Variants in MGAT4C observed in about 807,000 individuals in gnomAD.
The protein encoded by MGAT4C is MGAT4 family member C.
A neutral mutation model predicts 40.1 loss-of-function variants in MGAT4C; 19 were observed. The ratio of observed to expected loss-of-function variants is 0.47; its 90% confidence interval spans 0.33 to 0.70. The LOEUF (loss-of-function observed/expected upper bound fraction) is 0.70. Among genes scored for constraint, MGAT4C ranks in the 30% least tolerant of loss-of-function variants. The pLI, the probability that MGAT4C is intolerant of heterozygous loss-of-function variation, is 0.02. For missense variants in MGAT4C, 491 were observed against 563.2 expected, an observed-to-expected ratio of 0.87 and a Z score of 1.30; for synonymous variants, 181 against 187.1, an observed-to-expected ratio of 0.97 and a Z score of 0.27.
chr12:86,512,076 C>CA (rs1257207692), intron 2 of MGAT4C, among the ~76,000 whole-genome samples: 2 of 151,540 alleles, frequency 1.3e-5, no homozygotes, highest in Admixed American at 6.6e-5. Flanking sequence ...AAGGACAAAA[C>CA]AAAAAAAGTA....
At chr12:86,700,166 C>CAGAT (rs1208271183) in intron 2 of MGAT4C, among the ~76,000 whole-genome samples, 55 of 94,434 alleles carry the variant, frequency 5.8e-4, no homozygotes, top group African/African-American at 1.9e-3. Flanking sequence ...GACAGACAGA[C>CAGAT]AGACAGACAG....
chr12:86,127,594 T>C (rs1196454711), intron 1 of MGAT4C, among the ~76,000 whole-genome samples: 1 of 152,232 alleles, frequency 6.6e-6, no homozygotes, highest in East Asian at 1.9e-4. Context: ...GGCTCTTTTA[T>C]AATGACACTT....
intron 4 of MGAT4C, among the ~76,000 whole-genome samples, chr12:86,324,783 T>C (rs1954486871): frequency 6.6e-6 from 1 of 152,086 alleles, no homozygotes; most frequent in Admixed American, 6.6e-5. Context: ...GCCCCAGATT[T>C]ATGTTGGAAT....
intron 2 of MGAT4C, among the ~76,000 whole-genome samples, chr12:86,476,690 A>G (rs765894857): frequency 1.3e-5 from 2 of 152,180 alleles, no homozygotes; most frequent in African/African-American, 2.4e-5. Context: ...GTGCCCATCA[A>G]TGGTGGATTG....
chr12:85,966,422 T>C lies in MGAT4C; in HGVS notation c.*12867A>G, dbSNP rs1458063262. ...TTTAATCAAAGTTGTCTCTTTATCA[T>C]TTGCCAGTGAAAATATAAAACCTGG... On this transcript the variant is annotated 3_prime_UTR_variant, in exon 5 of 5. Coordinates refer to ENST00000611864, the MANE Select transcript of MGAT4C (RefSeq NM_001351288.2). The C allele has an allele frequency of 6.6e-6, 1 of 152,212 alleles. No individual in the cohort carries two copies. Among genetic ancestry groups the C allele is most frequent in the Non-Finnish European group, 1.5e-5 (1 of 68,040 alleles). The allele number at this position is 152,212 out of a possible 1,614,324, so 9.4% of individuals were successfully genotyped here.
At chr12:86,362,103 T>G (rs911458081) in intron 3 of MGAT4C, among the ~76,000 whole-genome samples, 1 of 152,184 alleles carries the variant, frequency 6.6e-6, no homozygotes, top group Non-Finnish European at 1.5e-5. Flanking sequence ...CCATCAATGA[T>G]AGACTGGATT....
intron 1 of MGAT4C, among the ~76,000 whole-genome samples, chr12:86,141,446 G>C (rs1314833056): frequency 6.6e-6 from 1 of 152,112 alleles, no homozygotes; most frequent in Non-Finnish European, 1.5e-5. Flanking sequence ...GTGAAGAACT[G>C]CTTGATTTTA....
intron 4 of MGAT4C, among the ~76,000 whole-genome samples, chr12:86,274,427 T>C (rs1266589077): frequency 6.6e-6 from 1 of 152,104 alleles, no homozygotes; most frequent in African/African-American, 2.4e-5. Context: ...TGTTTCCCAT[T>C]GATAAAACTG....
chr12:86,120,173 A>C (rs1288530516), intron 1 of MGAT4C, among the ~76,000 whole-genome samples: 1 of 150,866 alleles, frequency 6.6e-6, no homozygotes, highest in African/African-American at 2.4e-5. Flanking sequence ...AGAAAAAAAT[A>C]TATATATAAA....
chr12:86,408,479 C>CTGTATATATATATATATA (rs1267344319), intron 3 of MGAT4C, among the ~76,000 whole-genome samples: 11 of 63,344 alleles, frequency 1.7e-4, no homozygotes, highest in African/African-American at 8.6e-4. Context: ...CTCTCTCTCT[C>CTGTATATATATATATATA]TATATATATA....
chr12:86,253,053 G>A (rs146413964), intron 1 of MGAT4C, among the ~76,000 whole-genome samples: 1 of 151,858 alleles, frequency 6.6e-6, no homozygotes, highest in African/African-American at 2.4e-5. Flanking sequence ...AGAACTTAGA[G>A]ACACACAGAA....
At chr12:86,737,685 C>A (rs1951008937) in intron 1 of MGAT4C, among the ~76,000 whole-genome samples, 2 of 151,316 alleles carry the variant, frequency 1.3e-5, no homozygotes, top group Non-Finnish European at 3.0e-5. Context: ...ACCTTCACAT[C>A]CACCCCTAAA....
intron 1 of MGAT4C, among the ~76,000 whole-genome samples, chr12:86,222,551 C>T (rs1032655446): frequency 2.0e-5 from 3 of 152,096 alleles, no homozygotes; most frequent in Admixed American, 2.0e-4. Context: ...GTTTGAATAA[C>T]ATGTTTGAGT....
intron 1 of MGAT4C, among the ~76,000 whole-genome samples, chr12:86,783,647 G>A (rs971837472): frequency 6.6e-6 from 1 of 152,068 alleles, no homozygotes; most frequent in Non-Finnish European, 1.5e-5. Flanking sequence ...TTTCTACCTT[G>A]ATCCTGAAGT....
rs1052894521 is a variant in MGAT4C at position 85,960,611 on chromosome 12, C to T, written c.*18678G>A. ...TGGCCTGTGTCCCACCCATTATTCACATATAGAATGGGTTGCATTATCCTC... is the reference window on the plus strand; with the variant it reads ...TGGCCTGTGTCCCACCCATTATTCATATATAGAATGGGTTGCATTATCCTC... On this transcript the variant is annotated 3_prime_UTR_variant, in exon 5 of 5. Coordinates refer to ENST00000611864, the MANE Select transcript of MGAT4C (RefSeq NM_001351288.2). 6.6e-6 allele frequency: 1 copy of T among 151,950 alleles called. No individual in the cohort carries two copies. Among genetic ancestry groups the T allele is most frequent in the African/African-American group, 2.4e-5 (1 of 41,420 alleles). 9.4% of individuals were successfully genotyped at this position (151,950 alleles called of 1,614,324 possible).
chr12:86,012,439 T>C lies in MGAT4C; in HGVS notation c.-6-22887A>G, dbSNP rs557550222. Among the ~76,000 whole-genome samples the C allele has an allele frequency of 5.3e-5, 8 of 152,190 alleles. No individual in the cohort carries two copies. In the South Asian group the frequency reaches 1.5e-3, roughly 28 times the overall value. On this transcript the variant is annotated intron_variant, in intron 2 of 4. Transcript: ENST00000611864. ...TTTGTTTGGGAACAGAATCATATGC[T>C]TTTTTAAAGACCTGGGTGAGGCCAG...
chr12:86,013,902 C>T (rs182995131), intron 2 of MGAT4C: 2 of 292,370 alleles, frequency 6.8e-6, no homozygotes, highest in African/African-American at 4.5e-5. Context: ...ACTTCTCCTA[C>T]AATCATATTT....
chr12:86,038,409 C>A (rs961409064), intron 2 of MGAT4C, among the ~76,000 whole-genome samples: 1 of 149,564 alleles, frequency 6.7e-6, no homozygotes, highest in Admixed American at 6.7e-5. Context: ...GAACTTGTTT[C>A]ATGAATCTGT....
chr12:86,191,083 GCACACACACACACACACACACACA>G (rs56357601), intron 1 of MGAT4C, among the ~76,000 whole-genome samples: 17 of 138,470 alleles, frequency 1.2e-4, no homozygotes, highest in African/African-American at 3.0e-4. Context: ...CTCTCTCTCT[GCACACACACACACACACACACACA>G]CACACACACA....
Sources: allele counts gnomAD v4.1 joint callset (sites outside exome capture counted in the v4.1 genomes callset), GRCh38; gene constraint gnomAD v4.1.1; transcripts MANE v1.5; gene names NCBI Gene and HGNC (gene_info 2026-07-23, HGNC 2026-07-21).